The following ATOSA variants were observed in gnomAD, a reference collection of about 807,000 sequenced individuals.
The protein encoded by ATOSA is atos homolog A, also known as atos homolog protein A.
chr15:52,708,026 A>G, the ATOSA span, among the ~76,000 whole-genome samples: 152,294 of 152,294 alleles, frequency 1, 76,147 homozygotes, highest in Non-Finnish European at 1. Flanking sequence ...GGAGGCTTGG[A>G]GATGGTTTTC....
At chr15:52,587,314 G>T in the ATOSA span, 2 of 1,052,084 alleles carry the variant, frequency 1.9e-6, no homozygotes, top group African/African-American at 3.3e-5. Context: ...TAAAATTTCA[G>T]AATTCTATTT....
chr15:52,689,769 C>A, the ATOSA span, among the ~76,000 whole-genome samples: 5 of 152,164 alleles, frequency 3.3e-5, no homozygotes, highest in African/African-American at 1.2e-4. Context: ...CAATCGTATT[C>A]TTTGTGATGG....
At chr15:52,614,179 C>T in the ATOSA span, among the ~76,000 whole-genome samples, 2 of 152,020 alleles carry the variant, frequency 1.3e-5, no homozygotes, top group East Asian at 3.9e-4. Context: ...AATCTCGGCT[C>T]ACTGCAACCT....
chr15:52,627,644 A>G, the ATOSA span, among the ~76,000 whole-genome samples: 1 of 152,136 alleles, frequency 6.6e-6, no homozygotes, highest in African/African-American at 2.4e-5. Flanking sequence ...AAAAAATGTC[A>G]GACTGAAGGT....
At chr15:52,636,091 A>C in the ATOSA span, among the ~76,000 whole-genome samples, 3 of 145,130 alleles carry the variant, frequency 2.1e-5, no homozygotes, top group South Asian at 6.4e-4. Flanking sequence ...TAAAATAATA[A>C]AATTAAATAT....
At chr15:52,586,609 G>A in the ATOSA span, 2 of 152,714 alleles carry the variant, frequency 1.3e-5, no homozygotes, top group African/African-American at 2.4e-5. Context: ...GGATGATGAA[G>A]GACTGTTCTG....
chr15:52,676,856 G>A, the ATOSA span, among the ~76,000 whole-genome samples: 1 of 152,010 alleles, frequency 6.6e-6, no homozygotes, highest in African/African-American at 2.4e-5. Context: ...TACTAACCTT[G>A]GTGCCATTTT....
the ATOSA span, among the ~76,000 whole-genome samples, chr15:52,698,714 GCA>G: frequency 6.6e-6 from 1 of 152,146 alleles, no homozygotes; most frequent in Non-Finnish European, 1.5e-5. Context: ...ACCTTTCAAG[GCA>G]CAGACTGAAA....
chr15:52,627,694 G>C, the ATOSA span, among the ~76,000 whole-genome samples: 5 of 149,376 alleles, frequency 3.3e-5, no homozygotes, highest in Admixed American at 1.3e-4. Flanking sequence ...TTTTTTTTTT[G>C]CTTTTGCTTT....
At chr15:52,706,876 G>A in the ATOSA span, among the ~76,000 whole-genome samples, 1 of 152,280 alleles carries the variant, frequency 6.6e-6, no homozygotes, top group Admixed American at 6.5e-5. Context: ...AAGTAGACTA[G>A]TGTTTCCCTA....
chr15:52,634,594 TTTTTC>T, the ATOSA span, among the ~76,000 whole-genome samples: 3 of 117,268 alleles, frequency 2.6e-5, no homozygotes, highest in Non-Finnish European at 5.0e-5. Context: ...AAGATGTCCA[TTTTTC>T]TTTTCTTTTT....
the ATOSA span, chr15:52,601,212 T>A: frequency 8.0e-7 from 1 of 1,250,180 alleles, no homozygotes; most frequent in Non-Finnish European, 1.1e-6. Flanking sequence ...AAACTGTTAA[T>A]TTTTTTCTTG....
chr15:52,660,074 AT>A, the ATOSA span, among the ~76,000 whole-genome samples: 1 of 152,222 alleles, frequency 6.6e-6, no homozygotes, highest in Non-Finnish European at 1.5e-5. Flanking sequence ...TTAAGCGTGA[AT>A]TTTGTATTTC....
chr15:52,594,875 C>T, the ATOSA span, among the ~76,000 whole-genome samples: 3 of 152,126 alleles, frequency 2.0e-5, no homozygotes, highest in South Asian at 2.1e-4. Context: ...TATAGTATCA[C>T]CTACCACTTA....
At chr15:52,611,697 T>C in the ATOSA span, 3 of 1,614,026 alleles carry the variant, frequency 1.9e-6, no homozygotes, top group Admixed American at 1.7e-5. Context: ...AGTCTGGTAG[T>C]AGCATCATTT....
chr15:52,593,857 T>C, the ATOSA span: 1 of 979,312 alleles, frequency 1.0e-6, no homozygotes, highest in Non-Finnish European at 1.5e-6. Flanking sequence ...AATATATTAC[T>C]ATGCTTTCTA....
chr15:52,635,918 C>A, the ATOSA span, among the ~76,000 whole-genome samples: 1 of 151,368 alleles, frequency 6.6e-6, no homozygotes, highest in East Asian at 1.9e-4. Flanking sequence ...ATTGCTTGAA[C>A]CCCGGGGGCA....
chr15:52,670,217 A>G, the ATOSA span, among the ~76,000 whole-genome samples: 1 of 152,200 alleles, frequency 6.6e-6, no homozygotes, highest in Admixed American at 6.5e-5. Flanking sequence ...CAGTTTTCAA[A>G]ACGGAGTTCT....
chr15:52,622,371 A>C, the ATOSA span, among the ~76,000 whole-genome samples: 2 of 152,194 alleles, frequency 1.3e-5, no homozygotes, highest in African/African-American at 4.8e-5. Flanking sequence ...CTGAGAATGG[A>C]TATTAAGAAT....
Sources: gnomAD v4.1 joint callset for allele counts (sites outside exome capture counted in the v4.1 genomes callset) on GRCh38, gnomAD v4.1.1 for gene constraint, MANE v1.5 for transcripts, NCBI Gene and HGNC (gene_info 2026-07-23, HGNC 2026-07-21) for gene names.